The following NCAPD3 variants were observed in gnomAD, a reference collection of about 807,000 sequenced individuals.
NCAPD3 encodes the protein non-SMC condensin II complex subunit D3, also known as condensin-2 complex subunit D3.
A neutral mutation model predicts 182.9 loss-of-function variants in NCAPD3; 105 were observed. That is an observed-to-expected ratio of 0.57 (90% CI 0.49 to 0.68). The LOEUF (loss-of-function observed/expected upper bound fraction) is 0.68. Ranked by LOEUF, NCAPD3 falls within the 30% of genes least tolerant of loss-of-function variation. NCAPD3 has a pLI of 0.00. For synonymous variants in NCAPD3, 815 were observed against 679.9 expected (o/e 1.20, Z -3.09); for missense variants, 1,944 against 1,837.0 (o/e 1.06, Z -1.07).
chr11:134,209,382 C>A lies in NCAPD3; in HGVS notation c.663G>T (p.Lys221Asn), dbSNP rs747906896. The part of the protein sequence containing the change: ...QIRNAIFHLL[K>N]NFLRLLPKFS... ...ACTTTGGCAGAAGCCTTAAAAAATT[C>A]TTTAAAAGGTGAAAGATGGCATTTC... The change falls in exon 5 of 35, where the codon AAG becomes AAT. Residue 221 changes from lysine to asparagine, a missense_variant. Lys to Asn is a moderately conservative substitution (Grantham distance 94, BLOSUM62 0). Around this residue, in one of 3 missense-constraint regions of NCAPD3, gnomAD observed 1,803 missense variants for 1,674.6 expected, o/e 1.08. Coordinates refer to ENST00000534548, the MANE Select transcript of NCAPD3 (RefSeq NM_015261.3). The A allele has an allele frequency of 3.7e-6, 6 of 1,613,886 alleles. No individual in the cohort carries two copies. The highest frequency in any genetic ancestry group is 3.3e-5 in the Admixed American group (2 of 59,958).
At chr11:134,158,578 G>A (rs1468430008) in intron 29 of NCAPD3, 83 bp from the exon 30 acceptor site, 1 of 1,432,442 alleles carries the variant, frequency 7.0e-7, no homozygotes, top group Non-Finnish European at 9.5e-7. Context: ...TACATGGTTG[G>A]GGGTCCATAT....
chr11:134,172,945 C>CCAGCCT (rs1263460797), intron 24 of NCAPD3: 1 of 148,880 alleles, frequency 6.7e-6, no homozygotes, highest in African/African-American at 2.5e-5. Flanking sequence ...CCATTGCACT[C>CCAGCCT]CAGCCTGGGC....
chr11:134,158,411 G>T lies in NCAPD3; in HGVS notation c.3952C>A (p.Pro1318Thr), dbSNP rs1364842637. 2 of 1,614,102 alleles carry T rather than the reference G, an allele frequency of 1.2e-6. No individual in the cohort carries two copies. Among genetic ancestry groups the T allele is most frequent in the Non-Finnish European group, 1.7e-6 (2 of 1,180,036 alleles). Reference protein sequence around the residue: ...MSPAVSQPCTPRASAGHVAVS... With the variant: ...MSPAVSQPCTTRASAGHVAVS... ...GCTACATGGCCAGCACTTGCCCTGG[G>T]TGTGCAGGGCTGGCTCACGGCAGGT... is the stretch of plus-strand genomic sequence containing the variant. The change falls in exon 30 of 35, where the codon CCC becomes ACC. Residue 1318 changes from proline (P) to threonine (T), a missense_variant. By Grantham distance (38) the Pro-to-Thr change is conservative. Coordinates refer to ENST00000534548, the MANE Select transcript of NCAPD3 (RefSeq NM_015261.3).
intron 32 of NCAPD3, among the ~76,000 whole-genome samples, chr11:134,156,230 T>C (rs925801122): frequency 2.0e-5 from 3 of 152,062 alleles, no homozygotes; most frequent in Non-Finnish European, 2.9e-5. Context: ...TTCCAGGCAC[T>C]GTGGTCTGTG....
At chr11:134,212,375 T>TGTG (rs1937866526) in intron 3 of NCAPD3, among the ~76,000 whole-genome samples, 1,980 of 143,262 alleles carry the variant, frequency 0.014, 11 homozygotes, top group Non-Finnish European at 0.018. Flanking sequence ...TTTTGTTGTT[T>TGTG]TGTGTGTGTG....
chr11:134,154,484 C>A (rs956514958), intron 32 of NCAPD3, among the ~76,000 whole-genome samples: 4 of 149,994 alleles, frequency 2.7e-5, no homozygotes, highest in South Asian at 4.3e-4. Context: ...TGCACCCCCC[C>A]CCCCACCGCC....
intron 3 of NCAPD3, among the ~76,000 whole-genome samples, chr11:134,216,665 G>A (rs1368730129): frequency 6.6e-6 from 1 of 152,186 alleles, no homozygotes; most frequent in African/African-American, 2.4e-5. Context: ...CCGTGGTGGA[G>A]GGTGGGCGTG....
chr11:134,158,965 TCTTCCAAGTTCATC>T (rs1463895893), intron 29 of NCAPD3, among the ~76,000 whole-genome samples: 1 of 152,236 alleles, frequency 6.6e-6, no homozygotes, highest in East Asian at 1.9e-4. Flanking sequence ...TAATATAATG[TCTTCCAAGTTCATC>T]CATGTTGCAA....
intron 25 of NCAPD3, 101 bp downstream of exon 25, chr11:134,168,816 A>T (rs1033361017): frequency 2.1e-6 from 3 of 1,461,228 alleles, no homozygotes; most frequent in Non-Finnish European, 2.8e-6. Context: ...GACCTGGGGC[A>T]GGGTCTGCGT....
In NCAPD3 at chr11:134,152,513, A is replaced by G. The variant is rs543952332; in HGVS notation, c.*431T>C. 6.5e-6 allele frequency: 1 copy of G among 153,926 alleles called. No individual in the cohort carries two copies. Among genetic ancestry groups the G allele is most frequent in the African/African-American group, 2.4e-5 (1 of 41,618 alleles). The allele number at this position is 153,926 out of a possible 1,614,324, so 9.5% of individuals were successfully genotyped here. A position where few individuals can be genotyped will look rare whatever the true frequency, so the allele number is the denominator to read the frequency against. On this transcript the variant is annotated 3_prime_UTR_variant, in exon 35 of 35. Transcript: ENST00000534548. ...TTTTTTAAAAAATTTGCACTTATAAATAATAGAAAAAATATTAGAATCAAA... is the reference window on the plus strand; with the variant it reads ...TTTTTTAAAAAATTTGCACTTATAAGTAATAGAAAAAATATTAGAATCAAA...
upstream of NCAPD3, chr11:134,224,941 C>T: frequency 3.1e-6 from 1 of 321,586 alleles, no homozygotes; most frequent in Non-Finnish European, 5.2e-6. Flanking sequence ...GGCCGTGCCC[C>T]TCCCCCGTGG....
chr11:134,223,304 AG>A (rs775966561), intron 1 of NCAPD3: 1 of 645,198 alleles, frequency 1.5e-6, no homozygotes, highest in Non-Finnish European at 2.9e-6. Flanking sequence ...TCAGGAATGG[AG>A]CGGGGCTGCC....
chr11:134,182,364 T>A (rs1391329725), intron 19 of NCAPD3, among the ~76,000 whole-genome samples: 6 of 152,226 alleles, frequency 3.9e-5, no homozygotes, highest in African/African-American at 1.4e-4. Context: ...ATAATTTCCA[T>A]TCATTGGTCC....
chr11:134,200,446 G>A (rs1482375810), intron 13 of NCAPD3, among the ~76,000 whole-genome samples: 2 of 152,078 alleles, frequency 1.3e-5, no homozygotes, highest in East Asian at 1.9e-4. Context: ...CAAAGAAAAC[G>A]TATGTATATG....
intron 27 of NCAPD3, among the ~76,000 whole-genome samples, chr11:134,166,723 ACT>A (rs1403158247): frequency 8.6e-6 from 1 of 116,906 alleles, no homozygotes. Flanking sequence ...AGAGCAGCAC[ACT>A]CACTTGTGAG....
At chr11:134,198,703 A>C (rs1944687492) in intron 13 of NCAPD3, among the ~76,000 whole-genome samples, 1 of 152,248 alleles carries the variant, frequency 6.6e-6, no homozygotes, top group South Asian at 2.1e-4. Flanking sequence ...ATATCAAGAA[A>C]ATCCTAAGGA....
chr11:134,223,577 G>A (rs1938327654), intron 1 of NCAPD3: 6 of 681,288 alleles, frequency 8.8e-6, no homozygotes, highest in Non-Finnish European at 1.6e-5. Flanking sequence ...GGTGCACGAA[G>A]ACACGCACAG....
At chr11:134,170,322 CAGTT>C (rs1182428066) in intron 24 of NCAPD3, among the ~76,000 whole-genome samples, 8 of 152,270 alleles carry the variant, frequency 5.3e-5, no homozygotes, top group Admixed American at 2.0e-4. Flanking sequence ...TAAGAGTAGT[CAGTT>C]ACTTTGTACA....
At chr11:134,224,053 A>C (rs556687972), upstream of NCAPD3, 9 of 1,178,958 alleles carry the variant, frequency 7.6e-6, no homozygotes, top group South Asian at 1.1e-4. Context: ...CACCGCGCCG[A>C]GCCGTTTCCA....
Sources: gnomAD v4.1 joint callset for allele counts (sites outside exome capture counted in the v4.1 genomes callset) on GRCh38, gnomAD v4.1.1 for gene constraint, gnomAD v4.1.1 regional missense constraint, MANE v1.5 for transcripts, NCBI Gene and HGNC (gene_info 2026-07-23, HGNC 2026-07-21) for gene names.